Variants in NBL1 observed in about 807,000 individuals in gnomAD.
The protein encoded by NBL1 is neuroblastoma suppressor of tumorigenicity 1.
Under a neutral mutation model 16.0 loss-of-function variants are expected in NBL1, and 9 were observed. The observed-to-expected ratio is 0.56, with a 90% confidence interval of 0.34 to 0.98. The LOEUF is 0.98. Ranked by LOEUF, NBL1 falls within the 50% of genes least tolerant of loss-of-function variation. The pLI is 0.02. For synonymous variants in NBL1, 86 were observed against 100.7 expected (o/e 0.85, Z 0.87); for missense variants, 196 against 243.1 (o/e 0.81, Z 1.29).
At chr1:19,643,455 C>A, upstream of NBL1, 1 of 1,604,928 alleles carries the variant, frequency 6.2e-7, no homozygotes, top group Non-Finnish European at 8.5e-7. The surrounding 1 kb of genome is among the most constrained non-coding windows in gnomAD (Gnocchi z 4.7). Context: ...AGTGGTGTCC[C>A]TGGGCCACCA....
chr1:19,647,886 T>C (rs1295472092), intron 1 of NBL1, among the ~76,000 whole-genome samples: 8 of 141,956 alleles, frequency 5.6e-5, no homozygotes, highest in Non-Finnish European at 1.1e-4. Flanking sequence ...TGTGTGTGCG[T>C]GTGCGCGCGT....
chr1:19,648,764 T>G (rs1322956258), intron 1 of NBL1, among the ~76,000 whole-genome samples: 1 of 148,180 alleles, frequency 6.7e-6, no homozygotes, highest in South Asian at 2.2e-4. Context: ...AGGGCTTGGA[T>G]TTGGGAGTGG....
In NBL1 at chr1:19,644,891, G is replaced by A. The variant is rs2094969056; in HGVS notation, c.-20+445G>A. Among the ~76,000 whole-genome samples the A allele has an allele frequency of 6.6e-6, 1 of 151,932 alleles. No individual in the cohort carries two copies. Among genetic ancestry groups the A allele is most frequent in the Admixed American group, 6.5e-5 (1 of 15,280 alleles). ...CCCCTCTGCTTCGGTCCCCACGTCCGTGTGTCTGTCTCTCCGTCGCTCCGT... is the reference window on the plus strand; with the variant it reads ...CCCCTCTGCTTCGGTCCCCACGTCCATGTGTCTGTCTCTCCGTCGCTCCGT... On this transcript the variant is annotated intron_variant, in intron 1 of 3. Transcript: ENST00000375136. This position sits in a 1 kb window ranked among gnomAD's most constrained non-coding sequence, Gnocchi z 4.6.
At chr1:19,652,587 G>A (rs867305128) in intron 1 of NBL1, among the ~76,000 whole-genome samples, 21 of 152,252 alleles carry the variant, frequency 1.4e-4, no homozygotes, top group Middle Eastern at 3.4e-3. Context: ...GGAGCTGGGG[G>A]AACTTGCTGG....
chr1:19,646,184 G>C (rs891704744), intron 1 of NBL1, among the ~76,000 whole-genome samples: 1 of 152,154 alleles, frequency 6.6e-6, no homozygotes, highest in Non-Finnish European at 1.5e-5. Flanking sequence ...AGGAAGGAAG[G>C]AAAAGCCACC....
chr1:19,652,121 G>A (rs903018214), intron 1 of NBL1, among the ~76,000 whole-genome samples: 6 of 152,124 alleles, frequency 3.9e-5, no homozygotes, highest in Non-Finnish European at 8.8e-5. Flanking sequence ...CTGGCCCCCT[G>A]TGACCTGTTG....
rs1401878528 is a variant in NBL1 at position 19,644,328 on chromosome 1, C to T, written c.-138C>T. 1.0e-6 allele frequency: 1 copy of T among 979,018 alleles called. No homozygotes were observed. The highest frequency in any genetic ancestry group is 6.4e-5 in the Admixed American group (1 of 15,720). 60.6% of individuals were successfully genotyped at this position (979,018 alleles called of 1,614,324 possible). ...CCGGGGCCGCAGACAGCGCGCAGCG[C>T]AGCCCAGCCGAGCGTCGCGGGGCCG... On this transcript the variant is annotated 5_prime_UTR_variant, in exon 1 of 4. Coordinates refer to ENST00000375136, the MANE Select transcript of NBL1 (RefSeq NM_005380.8). This position sits in a 1 kb window ranked among gnomAD's most constrained non-coding sequence, Gnocchi z 4.6.
At position 19,655,068 on chromosome 1, in the gene NBL1, C is replaced by T; in HGVS notation, c.38C>T (p.Ala13Val). 1.2e-6 allele frequency: 2 copies of T among 1,612,740 alleles called. No homozygotes were observed. The change falls in exon 2 of 4, where the codon GCC becomes GTC. Residue 13 changes from alanine (A) to valine (V), a missense_variant. Transcript: ENST00000375136. ...LRVLVGAVLPAMLLAAPPPIN... is the reference protein window; with the variant it reads ...LRVLVGAVLPVMLLAAPPPIN... ...GTCCTGGTGGGGGCTGTCCTCCCTG[C>T]CATGCTACTGGCTGCCCCACCACCC... is the stretch of plus-strand genomic sequence containing the variant.
intron 3 of NBL1, 60 bp from the exon 4 acceptor site, chr1:19,656,806 C>T: frequency 6.5e-7 from 1 of 1,539,246 alleles, no homozygotes. Flanking sequence ...ACCCTAGGGG[C>T]TGCCTTGCCT....
At chr1:19,649,122 A>G (rs2095005520) in intron 1 of NBL1, among the ~76,000 whole-genome samples, 1 of 152,054 alleles carries the variant, frequency 6.6e-6, no homozygotes, top group Non-Finnish European at 1.5e-5. Context: ...TTGACCTGCA[A>G]GGGTAGCTGG....
At chr1:19,647,966 T>C (rs1197065721) in intron 1 of NBL1, among the ~76,000 whole-genome samples, 4 of 152,142 alleles carry the variant, frequency 2.6e-5, no homozygotes, top group Admixed American at 6.5e-5. Flanking sequence ...TGCGTCTGTG[T>C]GTTCTGCGTT....
At chr1:19,655,773 C>T (rs2095052704) in intron 3 of NBL1, among the ~76,000 whole-genome samples, 1 of 152,226 alleles carries the variant, frequency 6.6e-6, no homozygotes, top group South Asian at 2.1e-4. Context: ...GGCTCAGTGG[C>T]CTTTCCAGCC....
intron 3 of NBL1, 119 bp downstream of exon 3, chr1:19,655,554 G>T (rs906618334): frequency 3.3e-5 from 38 of 1,149,264 alleles, no homozygotes; most frequent in Non-Finnish European, 4.2e-5. Flanking sequence ...AGGCCCCACT[G>T]TGTGCAGGGT....
chr1:19,652,132 T>C (rs1354388179), intron 1 of NBL1, among the ~76,000 whole-genome samples: 10 of 152,280 alleles, frequency 6.6e-5, no homozygotes, highest in Admixed American at 5.2e-4. Context: ...TGACCTGTTG[T>C]TCCTGAGGAA....
At position 19,657,362 on chromosome 1, in the gene NBL1, T is replaced by A. The variant is rs906970495; in HGVS notation, c.*233T>A. On this transcript the variant is annotated 3_prime_UTR_variant, in exon 4 of 4. Transcript: ENST00000375136. ...GGGAGGAAGCAGAGGTCTTCAGGGC[T>A]CTTTTTTTGGGGGGGGTGGTCTCTT... 3.2e-5 allele frequency: 5 copies of A among 158,072 alleles called. No homozygotes were observed. The highest frequency in any genetic ancestry group is 4.6e-5 in the Non-Finnish European group (4 of 87,224). The allele number at this position is 158,072 out of a possible 1,614,324, so 9.8% of individuals were successfully genotyped here. A position where few individuals can be genotyped will look rare whatever the true frequency, so the allele number is the denominator to read the frequency against.
rs1334329349 is a variant in NBL1, at chr1:19,655,151, A to G, written c.121A>G (p.Thr41Ala). ...TGCCTGGTGCGAAGCCAAGAACATC[A>G]CCCAGATCGTGGGCCACAGCGGCTG... ...KSAWCEAKNITQIVGHSGCEA... is the reference protein window; with the variant it reads ...KSAWCEAKNIAQIVGHSGCEA... Residue 41 changes from threonine (T) to alanine (A), a missense_variant, in exon 2 of 4, where the codon ACC becomes GCC. By Grantham distance (58) the Thr-to-Ala change is moderately conservative (BLOSUM62 0). Coordinates refer to ENST00000375136, the MANE Select transcript of NBL1 (RefSeq NM_005380.8). 2 of 1,610,214 alleles carry G rather than the reference A, an allele frequency of 1.2e-6. No individual in the cohort carries two copies. Among genetic ancestry groups the G allele is most frequent in the Admixed American group, 1.7e-5 (1 of 59,528 alleles).
chr1:19,649,551 G>A (rs1289638767), intron 1 of NBL1, among the ~76,000 whole-genome samples: 1 of 151,696 alleles, frequency 6.6e-6, no homozygotes, highest in African/African-American at 2.4e-5. Context: ...TAGAGACGGG[G>A]TTTCGCCATG....
In NBL1 at chr1:19,647,982, G is replaced by C. The variant is rs182247253; in HGVS notation, c.-20+3536G>C. Among the ~76,000 whole-genome samples, 320 of 152,156 alleles carry C rather than the reference G, an allele frequency of 2.1e-3. 1 individual carries two copies. The highest frequency in any genetic ancestry group is 6.8e-3 in the Middle Eastern group (2 of 294). On this transcript the variant is annotated intron_variant, in intron 1 of 3. Coordinates refer to ENST00000375136, the MANE Select transcript of NBL1 (RefSeq NM_005380.8). The stretch of plus-strand genomic sequence containing the variant: ...GCGTCTGTGTGTTCTGCGTTCATAG[G>C]GGGCACAGGTGGTTTGGGGTATGCC...
upstream of NBL1, chr1:19,644,193 C>T (rs935453648): frequency 6.1e-6 from 6 of 979,828 alleles, no homozygotes; most frequent in African/African-American, 1.1e-4. This position sits in a 1 kb window ranked among gnomAD's most constrained non-coding sequence, Gnocchi z 4.6. Context: ...AGGCCGCGCG[C>T]GCCCGCCCGC....
Sources: gnomAD v4.1 joint callset for allele counts (sites outside exome capture counted in the v4.1 genomes callset) on GRCh38, gnomAD v4.1.1 for gene constraint, Gnocchi (gnomAD v3.1) non-coding constraint, MANE v1.5 for transcripts, NCBI Gene and HGNC (gene_info 2026-07-23, HGNC 2026-07-21) for gene names.